Variants in TYW1B observed in about 807,000 individuals in gnomAD.
TYW1B encodes the protein tRNA-yW synthesizing protein 1 homolog B.
A neutral mutation model predicts 86.9 loss-of-function variants in TYW1B; 73 were observed. That is an observed-to-expected ratio of 0.84 (90% CI 0.70 to 1.02). The LOEUF (loss-of-function observed/expected upper bound fraction) is 1.02, where lower values mean the gene tolerates loss of function less well. Ranked by LOEUF, TYW1B falls within the 50% of genes least tolerant of loss-of-function variation. The pLI is 0.00. For missense variants in TYW1B, 637 were observed against 827.4 expected (o/e 0.77, Z 2.82); for synonymous variants, 248 against 292.8 (o/e 0.85, Z 1.56).
chr7:72,750,861 A>G (rs767967420), intron 7 of TYW1B, among the ~76,000 whole-genome samples: 46 of 152,152 alleles, frequency 3.0e-4, no homozygotes, highest in Non-Finnish European at 5.9e-4. Context: ...AAACATTCCA[A>G]TGAGTATTTC....
chr7:72,607,941 T>C, intron 13 of TYW1B, among the ~76,000 whole-genome samples: 1 of 152,162 alleles, frequency 6.6e-6, no homozygotes, highest in African/African-American at 2.4e-5. Context: ...TGAATATTTT[T>C]AAAAATCTTG....
At chr7:72,604,525 G>T (rs1406550596) in intron 13 of TYW1B, among the ~76,000 whole-genome samples, 1 of 152,102 alleles carries the variant, frequency 6.6e-6, no homozygotes, top group African/African-American at 2.4e-5. Flanking sequence ...CTGCTATGTG[G>T]ATTCCGCAAG....
intron 13 of TYW1B, among the ~76,000 whole-genome samples, chr7:72,609,052 G>A (rs1198193325): frequency 2.0e-5 from 3 of 152,166 alleles, no homozygotes; most frequent in East Asian, 1.9e-4. Flanking sequence ...CTATGATCAC[G>A]TAAGACGTTA....
intron 8 of TYW1B, among the ~76,000 whole-genome samples, chr7:72,731,393 C>CAAAAAAAAA (rs59262388): frequency 1.9e-3 from 64 of 32,972 alleles, no homozygotes; most frequent in Non-Finnish European, 2.1e-3. Context: ...TACCAAACTG[C>CAAAAAAAAA]AAAAAAAAAA....
chr7:72,590,917 T>C (rs1360740252), intron 13 of TYW1B, among the ~76,000 whole-genome samples: 2 of 152,000 alleles, frequency 1.3e-5, no homozygotes, highest in African/African-American at 4.8e-5. Context: ...TTAAAGATGC[T>C]CTAAAAACTA....
At chr7:72,811,684 G>C (rs1788622229) in intron 3 of TYW1B, among the ~76,000 whole-genome samples, 1 of 151,876 alleles carries the variant, frequency 6.6e-6, no homozygotes, top group Admixed American at 6.6e-5. Context: ...GGCTGAGGCG[G>C]GTGGATCACT....
At chr7:72,671,328 G>A (rs371331927) in intron 11 of TYW1B, among the ~76,000 whole-genome samples, 2 of 152,230 alleles carry the variant, frequency 1.3e-5, no homozygotes, top group South Asian at 4.2e-4. Flanking sequence ...AGACACTTGG[G>A]TCAAAACCAA....
chr7:72,737,605 T>C (rs1278166972), intron 8 of TYW1B, among the ~76,000 whole-genome samples: 2 of 152,170 alleles, frequency 1.3e-5, no homozygotes, highest in Admixed American at 6.6e-5. Context: ...CAAGAAAAAC[T>C]AGAACACAAA....
At position 72,728,920 on chromosome 7, in the gene TYW1B, T is replaced by C; in HGVS notation, c.1094A>G (p.Asn365Ser). 1 of 1,613,834 alleles carries C rather than the reference T, an allele frequency of 6.2e-7. No individual in the cohort carries two copies. Residue 365 changes from asparagine (N) to serine (S), a missense_variant, in exon 9 of 14, where the codon AAC becomes AGC. Physicochemically the swap from Asn to Ser is conservative, Grantham distance 46. Coordinates refer to ENST00000620995, the MANE Select transcript of TYW1B (RefSeq NM_001145440.3). ...KCVFCWWHHN[N>S]PVGTEWLWKM... ...CCACAACCATTCAGTGCCCACAGGGTTGTTGTGGTGCCTAGGAACAAGACG... is the reference window on the plus strand; with the variant it reads ...CCACAACCATTCAGTGCCCACAGGGCTGTTGTGGTGCCTAGGAACAAGACG...
intron 11 of TYW1B, among the ~76,000 whole-genome samples, chr7:72,638,355 C>G (rs578015707): frequency 1.3e-4 from 20 of 152,294 alleles, no homozygotes; most frequent in Admixed American, 1.0e-3. Context: ...GTAGGTAAGG[C>G]TGATTCAACA....
intron 11 of TYW1B, among the ~76,000 whole-genome samples, chr7:72,639,111 A>G (rs1479529410): frequency 6.6e-6 from 1 of 152,130 alleles, no homozygotes; most frequent in African/African-American, 2.4e-5. Context: ...TTACTCTGAG[A>G]AAAAAAGTTA....
intron 9 of TYW1B, among the ~76,000 whole-genome samples, chr7:72,725,001 T>C (rs1310707545): frequency 6.6e-6 from 1 of 152,128 alleles, no homozygotes; most frequent in Non-Finnish European, 1.5e-5. Flanking sequence ...TAAGAACCCA[T>C]AGACAAACCA....
At chr7:72,690,466 G>A (rs1814120534) in intron 11 of TYW1B, among the ~76,000 whole-genome samples, 1 of 152,162 alleles carries the variant, frequency 6.6e-6, no homozygotes, top group African/African-American at 2.4e-5. Flanking sequence ...AAAGGATAAA[G>A]ATCTGGAAAT....
chr7:72,673,612 G>A (rs6460024), intron 11 of TYW1B, among the ~76,000 whole-genome samples: 89,179 of 148,596 alleles, frequency 0.6, 28,582 homozygotes, highest in East Asian at 0.77. Context: ...AAGGGTAGTG[G>A]GGGTGTTGGG....
chr7:72,615,042 C>G (rs1455149133), intron 13 of TYW1B, among the ~76,000 whole-genome samples: 1 of 152,212 alleles, frequency 6.6e-6, no homozygotes, highest in Admixed American at 6.5e-5. Flanking sequence ...AAGATTTGTG[C>G]CAAGTCTACT....
chr7:72,632,374 T>TA lies in TYW1B; in HGVS notation c.1507-3378dup, dbSNP rs1812533029. Among the ~76,000 whole-genome samples, 10 of 118,712 alleles carry TA rather than the reference T, an allele frequency of 8.4e-5. 1 individual carries two copies. In the South Asian group the frequency reaches 2.0e-3, roughly 24 times the overall value. 77.9% of individuals were successfully genotyped at this position (118,712 alleles called of 152,430 possible). On this transcript the variant is annotated intron_variant, in intron 11 of 13. Transcript: ENST00000620995. ...TATATATTATATATATACGCATATA[T>TA]ATTATATATATACGTATATATATAT...
intron 6 of TYW1B, among the ~76,000 whole-genome samples, chr7:72,787,970 C>A (rs1788156883): frequency 1.3e-5 from 1 of 75,192 alleles, no homozygotes; most frequent in African/African-American, 3.7e-5. Flanking sequence ...CATATTCCAT[C>A]TACTTGTCAT....
intron 7 of TYW1B, 44 bp from the exon 8 acceptor site, chr7:72,744,645 G>A: frequency 6.2e-7 from 1 of 1,602,202 alleles, no homozygotes; most frequent in Non-Finnish European, 8.6e-7. Flanking sequence ...AATCGTCAAA[G>A]CACAGAAACA....
chr7:72,577,347 T>C (rs1811046179), intron 13 of TYW1B, among the ~76,000 whole-genome samples: 2 of 152,172 alleles, frequency 1.3e-5, no homozygotes, highest in Admixed American at 1.3e-4. Context: ...CTCTATGAAT[T>C]AGAGGAAATT....
Sources: allele counts gnomAD v4.1 joint callset (sites outside exome capture counted in the v4.1 genomes callset), GRCh38; gene constraint gnomAD v4.1.1; transcripts MANE v1.5; gene names NCBI Gene and HGNC (gene_info 2026-07-23, HGNC 2026-07-21).